LRRC53: variants seen among roughly 807,000 people sequenced by gnomAD.
The protein encoded by LRRC53 is leucine rich repeat containing 53.
A neutral mutation model predicts 13.6 loss-of-function variants in LRRC53; 25 were observed. The observed-to-expected ratio is 1.83, with a 90% CI of 1.34 to 2.56. The LOEUF (loss-of-function observed/expected upper bound fraction) is 2.56, where lower values mean the gene tolerates loss of function less well. Ranked by LOEUF, LRRC53 falls within the 30% of genes most tolerant of loss-of-function variation. The pLI, the probability that LRRC53 is intolerant of heterozygous loss-of-function variation, is 0.00. For missense variants in LRRC53, 527 were observed against 275.8 expected, an observed-to-expected ratio of 1.91 and a Z score of -6.45; for synonymous variants, 204 against 109.8, an observed-to-expected ratio of 1.86 and a Z score of -5.37.
chr1:74,514,911 G>T (rs1170163370), upstream of LRRC53, among the ~76,000 whole-genome samples: 2 of 152,010 alleles, frequency 1.3e-5, no homozygotes, highest in Non-Finnish European at 1.5e-5. Flanking sequence ...GAGTAGGGTG[G>T]GCCCTTAATT....
intron 3 of LRRC53, among the ~76,000 whole-genome samples, chr1:74,476,374 ATC>A (rs1477296221): frequency 6.6e-6 from 1 of 152,114 alleles, no homozygotes; most frequent in East Asian, 1.9e-4. Context: ...TATCCTCATT[ATC>A]TGTCTATCAC....
At chr1:74,507,001 A>G (rs75266967) in intron 1 of LRRC53, among the ~76,000 whole-genome samples, 1 of 152,182 alleles carries the variant, frequency 6.6e-6, no homozygotes, top group Non-Finnish European at 1.5e-5. Flanking sequence ...TATCTGTAAT[A>G]CCAATTGACA....
chr1:74,505,471 G>A (rs893888983), intron 1 of LRRC53, among the ~76,000 whole-genome samples: 1 of 152,188 alleles, frequency 6.6e-6, no homozygotes, highest in Non-Finnish European at 1.5e-5. Flanking sequence ...TCAGATACAA[G>A]AGCAATGATT....
intron 1 of LRRC53, among the ~76,000 whole-genome samples, chr1:74,511,650 T>C (rs1670233216): frequency 6.6e-6 from 1 of 152,044 alleles, no homozygotes; most frequent in South Asian, 2.1e-4. Flanking sequence ...ATCTCTTCAG[T>C]CCTGGGGGAA....
chr1:74,514,825 C>G (rs553316472), upstream of LRRC53, among the ~76,000 whole-genome samples: 1 of 152,060 alleles, frequency 6.6e-6, no homozygotes, highest in Non-Finnish European at 1.5e-5. Context: ...AGTCTCAGAC[C>G]CTGGTACCTC....
At position 74,472,213 on chromosome 1, in the gene LRRC53, T is replaced by C; in HGVS notation, c.1421-12A>G. On this transcript the variant is annotated splice_polypyrimidine_tract_variant and intron_variant, in intron 4 of 4. Transcript: ENST00000294635. ...GTCACTGCTGATATCTGTGGAACAA[T>C]AAATGCAAGAATTTAGCACTTAGCA... 1.4e-6 allele frequency: 1 copy of C among 716,036 alleles called. No homozygotes were observed. Among genetic ancestry groups the C allele is most frequent in the Non-Finnish European group, 2.6e-6 (1 of 384,356 alleles). 44.4% of individuals were successfully genotyped at this position (716,036 alleles called of 1,614,324 possible). A position where few individuals can be genotyped will look rare whatever the true frequency, so the allele number is the denominator to read the frequency against.
intron 1 of LRRC53, among the ~76,000 whole-genome samples, chr1:74,506,405 A>G (rs574118004): frequency 1.1e-3 from 161 of 152,324 alleles, no homozygotes; most frequent in African/African-American, 3.7e-3. Context: ...CCAAGATTTG[A>G]GCCGAGATCA....
At chr1:74,523,552 T>G in the LRRC53 span, among the ~76,000 whole-genome samples, 1 of 152,178 alleles carries the variant, frequency 6.6e-6, no homozygotes, top group Non-Finnish European at 1.5e-5. Context: ...TGCCTGGCCA[T>G]TAGCTGCTTA....
rs763705905 is a variant in LRRC53, at chr1:74,489,290, TG to T, written c.-26-5916del. 7 of 1,590,192 alleles carry T rather than the reference TG, an allele frequency of 4.4e-6. No homozygotes were observed. In the South Asian group the frequency reaches 6.9e-5, roughly 16 times the overall value. ...CTGAAATATGTCCATAAAAAAGCCC[TG>T]CATATCCAAGGCTGTCAGGGAATGT... On this transcript the variant is annotated intron_variant, in intron 1 of 4. Coordinates refer to ENST00000294635, the MANE Select transcript of LRRC53 (RefSeq NM_001382280.1).
intron 1 of LRRC53, among the ~76,000 whole-genome samples, chr1:74,509,139 C>T (rs1367473002): frequency 5.3e-5 from 8 of 152,158 alleles, no homozygotes; most frequent in Non-Finnish European, 1.2e-4. Flanking sequence ...CCTTTTTCCT[C>T]ATTAAATAGC....
At chr1:74,501,810 C>T (rs924854882) in intron 1 of LRRC53, among the ~76,000 whole-genome samples, 1 of 151,974 alleles carries the variant, frequency 6.6e-6, no homozygotes, top group South Asian at 2.1e-4. Flanking sequence ...TCATAGAACA[C>T]GTGTAGTAAT....
intron 3 of LRRC53, among the ~76,000 whole-genome samples, chr1:74,479,844 G>T (rs987572637): frequency 2.6e-5 from 4 of 152,192 alleles, no homozygotes; most frequent in African/African-American, 9.6e-5. Context: ...TATTATTCCT[G>T]TATTATACAC....
At position 74,472,065 on chromosome 1, in the gene LRRC53, A is replaced by G. The variant is rs3765674; in HGVS notation, c.1557T>C (p.His519=). ...AGCTTGTAATAAAATGTCTTTGCCT[A>G]TGAGGGTGTAAGCCATTGTCTTCTT... ...IEKEDNGLHP[H]RQRHFITSSS... is the part of the protein sequence containing the mutation. Residue 519 remains histidine (H), a synonymous_variant, in exon 5 of 5, where the codon CAT becomes CAC. Transcript: ENST00000294635. 412,594 of 715,582 alleles carry G rather than the reference A, an allele frequency of 0.58. 119,888 individuals are homozygous for G. The highest frequency in any genetic ancestry group is 0.68 in the East Asian group (25,394 of 37,238). 44.3% of individuals were successfully genotyped at this position (715,582 alleles called of 1,614,324 possible). A position where few individuals can be genotyped will look rare whatever the true frequency, so the allele number is the denominator to read the frequency against.
At chr1:74,495,956 A>T (rs539024461) in intron 1 of LRRC53, among the ~76,000 whole-genome samples, 1 of 152,296 alleles carries the variant, frequency 6.6e-6, no homozygotes, top group South Asian at 2.1e-4. Flanking sequence ...CCAAGGATAT[A>T]AAAATTGATG....
At position 74,471,698 on chromosome 1, in the gene LRRC53, C is replaced by G. The variant is rs1329594659; in HGVS notation, c.1924G>C (p.Asp642His). 5.0e-6 allele frequency: 2 copies of G among 401,840 alleles called. No individual in the cohort carries two copies. Among genetic ancestry groups the G allele is most frequent in the African/African-American group, 4.1e-5 (2 of 48,812 alleles). The allele number at this position is 401,840 out of a possible 1,614,324, so 24.9% of individuals were successfully genotyped here. The stretch of plus-strand genomic sequence containing the variant: ...CTATTTATTTCTACTAAATCAGGAT[C>G]ATGGAAGATAACCCTCTTTGGGGAA... Reference protein sequence around the residue: ...AYSPKRVIFHDPDLVEINRSM... With the variant: ...AYSPKRVIFHHPDLVEINRSM... The change falls in exon 5 of 5, where the codon GAT becomes CAT. Residue 642 changes from aspartate to histidine, a missense_variant. By Grantham distance (81) the Asp-to-His change is moderately conservative. Transcript: ENST00000294635.
At chr1:74,500,310 G>A (rs981993582) in intron 1 of LRRC53, among the ~76,000 whole-genome samples, 27 of 151,886 alleles carry the variant, frequency 1.8e-4, no homozygotes, top group Non-Finnish European at 2.9e-5. Context: ...CTTTCTTCTA[G>A]TATCATTTTT....
At position 74,480,896 on chromosome 1, in the gene LRRC53, G is replaced by A. The variant is rs1288759278; in HGVS notation, c.161C>T (p.Ser54Phe). The A allele has an allele frequency of 2.8e-6, 2 of 717,294 alleles. No homozygotes were observed. Among genetic ancestry groups the A allele is most frequent in the African/African-American group, 1.7e-5 (1 of 57,240 alleles). The allele number at this position is 717,294 out of a possible 1,614,324, so 44.4% of individuals were successfully genotyped here. A position where few individuals can be genotyped will look rare whatever the true frequency, so the allele number is the denominator to read the frequency against. Residue 54 changes from serine to phenylalanine, a missense_variant, in exon 3 of 5, where the codon TCT (serine) becomes TTT (phenylalanine). Ser to Phe is a radical substitution (Grantham distance 155, BLOSUM62 -2). Coordinates refer to ENST00000294635, the MANE Select transcript of LRRC53 (RefSeq NM_001382280.1). ...YLSSIESTNLSLLFNLALLSL... is the reference protein window; with the variant it reads ...YLSSIESTNLFLLFNLALLSL... ...GAGCAGGGCAAGATTAAACAAGAGAGACAGGTTTGTGCTCTCAATAGAGGA... is the reference window on the plus strand; with the variant it reads ...GAGCAGGGCAAGATTAAACAAGAGAAACAGGTTTGTGCTCTCAATAGAGGA...
intron 1 of LRRC53, among the ~76,000 whole-genome samples, chr1:74,500,570 C>G (rs1669567556): frequency 8.6e-6 from 1 of 115,792 alleles, no homozygotes; most frequent in Non-Finnish European, 1.6e-5. Flanking sequence ...CGCCACTGCA[C>G]TCCAGCCTGG....
chr1:74,484,985 T>A (rs1440434374), intron 1 of LRRC53, among the ~76,000 whole-genome samples: 1 of 151,948 alleles, frequency 6.6e-6, no homozygotes, highest in Non-Finnish European at 1.5e-5. Flanking sequence ...GTAAGCATAT[T>A]CCAGATGATT....
Sources: gnomAD v4.1 joint callset for allele counts (sites outside exome capture counted in the v4.1 genomes callset) on GRCh38, gnomAD v4.1.1 for gene constraint, MANE v1.5 for transcripts, NCBI Gene and HGNC (gene_info 2026-07-23, HGNC 2026-07-21) for gene names.